EPB41L5: variants seen among roughly 807,000 people sequenced by gnomAD.
EPB41L5 encodes the protein band 4.1-like protein 5.
Under a neutral mutation model 106.6 loss-of-function variants are expected in EPB41L5, and 55 were observed. The observed-to-expected ratio is 0.52, with a 90% CI of 0.42 to 0.65. The LOEUF (loss-of-function observed/expected upper bound fraction) is 0.65, where lower values mean the gene tolerates loss of function less well. EPB41L5 is among the 30% of genes least tolerant of loss of function. The pLI, the probability that EPB41L5 is intolerant of heterozygous loss-of-function variation, is 0.00. For synonymous variants in EPB41L5, 297 were observed against 306.7 expected, an observed-to-expected ratio of 0.97 and a Z score of 0.33; for missense variants, 871 against 882.1, an observed-to-expected ratio of 0.99 and a Z score of 0.16.
chr2:120,151,192 C>CG (rs1284598272), intron 20 of EPB41L5, among the ~76,000 whole-genome samples: 2 of 151,840 alleles, frequency 1.3e-5, no homozygotes, highest in African/African-American at 4.8e-5. Context: ...CCCAGCTACT[C>CG]GGGAGGCTAA....
At chr2:120,028,687 C>A (rs1431486420) in intron 2 of EPB41L5, among the ~76,000 whole-genome samples, 1 of 151,910 alleles carries the variant, frequency 6.6e-6, no homozygotes, top group Non-Finnish European at 1.5e-5. Flanking sequence ...AGAGTGCCTG[C>A]TTAGTACATG....
intron 3 of EPB41L5, among the ~76,000 whole-genome samples, chr2:120,053,996 G>C (rs557918546): frequency 6.6e-6 from 1 of 152,184 alleles, no homozygotes; most frequent in African/African-American, 2.4e-5. Context: ...AACTTTTCCA[G>C]TGATGGCACC....
chr2:120,050,282 C>T (rs1442506224), intron 3 of EPB41L5, among the ~76,000 whole-genome samples: 1 of 152,150 alleles, frequency 6.6e-6, no homozygotes, highest in Non-Finnish European at 1.5e-5. Flanking sequence ...TCCATTCTCC[C>T]CTTCACTTTC....
chr2:120,169,961 A>G (rs1255437259), intron 24 of EPB41L5, among the ~76,000 whole-genome samples: 1 of 152,238 alleles, frequency 6.6e-6, no homozygotes, highest in African/African-American at 2.4e-5. Flanking sequence ...GAGTAACCAC[A>G]TTGGAAATAG....
rs1286091253 is a variant in EPB41L5, at chr2:120,098,307, T to G, written c.1179-1937T>G. 1.3e-5 allele frequency among the ~76,000 whole-genome samples: 2 copies of G among 151,994 alleles called. 1 individual carries two copies. Among genetic ancestry groups the G allele is most frequent in the South Asian group, 4.1e-4 (2 of 4,820 alleles). On this transcript the variant is annotated intron_variant, in intron 14 of 24. Transcript: ENST00000263713. ...TCACTGTAGCCTCAACCTCCTGGGA[T>G]CAGGCAGTCCTCCTGCCTCAGCCTC...
At chr2:120,142,121 A>ATTTTT (rs1438599325) in intron 18 of EPB41L5, among the ~76,000 whole-genome samples, 1 of 149,326 alleles carries the variant, frequency 6.7e-6, no homozygotes, top group Admixed American at 6.7e-5. Flanking sequence ...TTTAAAAAAA[A>ATTTTT]AAAAAAAAAA....
At chr2:120,060,491 A>G (rs1047480824) in intron 3 of EPB41L5, among the ~76,000 whole-genome samples, 2 of 152,212 alleles carry the variant, frequency 1.3e-5, no homozygotes, top group African/African-American at 4.8e-5. Context: ...ATTATGCTGA[A>G]TAGGAAATAA....
At chr2:120,060,265 A>G (rs1192858908) in intron 3 of EPB41L5, among the ~76,000 whole-genome samples, 3 of 152,218 alleles carry the variant, frequency 2.0e-5, no homozygotes, top group Non-Finnish European at 2.9e-5. Flanking sequence ...ATGCCTGACC[A>G]TTTATCCCAG....
intron 18 of EPB41L5, among the ~76,000 whole-genome samples, chr2:120,140,855 C>T (rs1391059147): frequency 1.3e-5 from 2 of 152,032 alleles, no homozygotes; most frequent in Non-Finnish European, 2.9e-5. Context: ...CTGCTATCAA[C>T]AGTTGTTGTT....
chr2:120,143,207 A>G lies in EPB41L5; in HGVS notation c.1728+76A>G, dbSNP rs188472041. On this transcript the variant is annotated intron_variant, in intron 19 of 24. Transcript: ENST00000263713. ...GTAGAGAGTTGCCTTCCCCAACTCT[A>G]AATTCTAATCAAGCTAGATTAATGG... 23 of 1,335,348 alleles carry G rather than the reference A, an allele frequency of 1.7e-5. No homozygotes were observed. The East Asian group carries it at 4.8e-4, about 28-fold the overall frequency. 82.7% of individuals were successfully genotyped at this position (1,335,348 alleles called of 1,614,324 possible).
chr2:120,091,262 GGGAA>G lies in EPB41L5; in HGVS notation c.1044-292_1044-289del, dbSNP rs201592150. 6.2e-4 allele frequency among the ~76,000 whole-genome samples: 95 copies of G among 152,290 alleles called. No homozygotes were observed. In the East Asian group the frequency reaches 0.015, roughly 24 times the overall value. On this transcript the variant is annotated intron_variant, in intron 12 of 24. Coordinates refer to ENST00000263713, the MANE Select transcript of EPB41L5 (RefSeq NM_020909.4). ...ACACTTTGCACTGAGGAATGTAGAT[GGGAA>G]AGAGAGGGAGTTTCCATAAAAGGAC...
In EPB41L5 at chr2:120,077,033, G is replaced by A. The variant is rs775560480; in HGVS notation, c.568G>A (p.Val190Met). 14 of 1,612,978 alleles carry A rather than the reference G, an allele frequency of 8.7e-6. No individual in the cohort carries two copies. The highest frequency in any genetic ancestry group is 6.7e-5 in the African/African-American group (5 of 74,864). ...TGAACTTGTCTCAGAGTTCAGATTC[G>A]TGCCTATTCAGACTGAAGAGATGGA... ...SPELVSEFRFVPIQTEEMELA... is the reference protein window; with the variant it reads ...SPELVSEFRFMPIQTEEMELA... Residue 190 changes from valine (V) to methionine (M), a missense_variant, in exon 8 of 25, where the codon GTG becomes ATG. Transcript: ENST00000263713.
chr2:120,072,429 C>T (rs143313339), intron 3 of EPB41L5, among the ~76,000 whole-genome samples: 2 of 152,046 alleles, frequency 1.3e-5, no homozygotes, highest in African/African-American at 2.4e-5. Context: ...CCCATTACTG[C>T]GTATATACCC....
At chr2:120,165,010 T>C in intron 22 of EPB41L5, 100 bp downstream of exon 22, 1 of 850,616 alleles carries the variant, frequency 1.2e-6, no homozygotes, top group East Asian at 2.6e-5. Flanking sequence ...TCAGTTAAAC[T>C]TTTCATTTGA....
chr2:120,056,656 C>T (rs575762443), intron 3 of EPB41L5, among the ~76,000 whole-genome samples: 2 of 131,754 alleles, frequency 1.5e-5, no homozygotes, highest in African/African-American at 5.7e-5. Context: ...GGATATTAGT[C>T]TGTAGTTTTC....
In EPB41L5 at chr2:120,163,591, GTT is replaced by G. The variant is rs34255923; in HGVS notation, c.1888-1228_1888-1227del. On this transcript the variant is annotated intron_variant, in intron 21 of 24. Coordinates refer to ENST00000263713, the MANE Select transcript of EPB41L5 (RefSeq NM_020909.4). ...ATCTCCTGTGCTGAACCTGTTACTGGTTTTTTTTTTTTTTTTTTAAGTTCAAA... is the reference window on the plus strand; with the variant it reads ...ATCTCCTGTGCTGAACCTGTTACTGGTTTTTTTTTTTTTTTTAAGTTCAAA... 9.6e-3 allele frequency among the ~76,000 whole-genome samples: 1,324 copies of G among 138,402 alleles called. 12 individuals are homozygous for G. The highest frequency in any genetic ancestry group is 0.022 in the African/African-American group (833 of 37,698). 90.8% of individuals were successfully genotyped at this position (138,402 alleles called of 152,430 possible).
At chr2:120,053,638 C>T (rs1198864174) in intron 3 of EPB41L5, among the ~76,000 whole-genome samples, 1 of 152,118 alleles carries the variant, frequency 6.6e-6, no homozygotes, top group South Asian at 2.1e-4. Flanking sequence ...ATGGTTCATC[C>T]GTGTTGTAGC....
intron 18 of EPB41L5, among the ~76,000 whole-genome samples, chr2:120,133,798 A>G (rs187864716): frequency 5.9e-5 from 9 of 152,274 alleles, no homozygotes; most frequent in African/African-American, 2.2e-4. Context: ...GAGTGCTTGC[A>G]TCACCCTCTC....
chr2:120,086,394 T>TA (rs1683054956), intron 10 of EPB41L5, among the ~76,000 whole-genome samples: 1 of 152,096 alleles, frequency 6.6e-6, no homozygotes, highest in Admixed American at 6.6e-5. Flanking sequence ...AGTAGGGAGA[T>TA]ACAGTTGGAA....
Sources: gnomAD v4.1 joint callset for allele counts (sites outside exome capture counted in the v4.1 genomes callset) on GRCh38, gnomAD v4.1.1 for gene constraint, MANE v1.5 for transcripts, NCBI Gene and HGNC (gene_info 2026-07-23, HGNC 2026-07-21) for gene names.